ACACA: variants seen among roughly 807,000 people sequenced by gnomAD.
ACACA encodes the protein acetyl-CoA carboxylase 1.
In ACACA, 103 loss-of-function variants were observed where a neutral mutation model predicts 296.1. The ratio of observed to expected loss-of-function variants is 0.35; its 90% CI spans 0.30 to 0.41. The LOEUF (loss-of-function observed/expected upper bound fraction) is 0.41, where lower values mean the gene tolerates loss of function less well. Ranked by LOEUF, ACACA falls within the 10% of genes least tolerant of loss-of-function variation. The probability of loss-of-function intolerance (pLI) is 1.00; values close to 1 mark genes in which losing one functional copy is unlikely to be tolerated. For synonymous variants in ACACA, 953 were observed against 1,038.6 expected, an observed-to-expected ratio of 0.92 and a Z score of 1.58; for missense variants, 1,554 against 2,989.7, an observed-to-expected ratio of 0.52 and a Z score of 11.20.
At chr17:37,203,751 C>A (rs966132381) in intron 33 of ACACA, among the ~76,000 whole-genome samples, 1 of 147,970 alleles carries the variant, frequency 6.8e-6, no homozygotes, top group African/African-American at 2.6e-5. Flanking sequence ...CTCAAAAAAA[C>A]AAAACAAAAC....
intron 24 of ACACA, among the ~76,000 whole-genome samples, chr17:37,238,973 T>C (rs1013145660): frequency 2.0e-5 from 3 of 152,106 alleles, no homozygotes; most frequent in Admixed American, 6.6e-5. Flanking sequence ...ACTATAGGCA[T>C]GTGCCATCAT....
At chr17:37,380,191 C>T (rs1418027097) in intron 1 of ACACA, among the ~76,000 whole-genome samples, 1 of 148,246 alleles carries the variant, frequency 6.7e-6, no homozygotes, top group East Asian at 2.0e-4. Context: ...AACCAAACAC[C>T]GCATATTCTC....
chr17:37,242,908 G>A (rs570876746), intron 22 of ACACA, among the ~76,000 whole-genome samples: 2 of 152,156 alleles, frequency 1.3e-5, no homozygotes, highest in African/African-American at 4.8e-5. Flanking sequence ...GGCAGCGTGT[G>A]AATGTAATCC....
At chr17:37,271,241 C>A (rs757960898) in intron 9 of ACACA, among the ~76,000 whole-genome samples, 1 of 152,166 alleles carries the variant, frequency 6.6e-6, no homozygotes, top group Non-Finnish European at 1.5e-5. Context: ...TGGGTCCGGG[C>A]ACAGTGGCTA....
At chr17:37,396,725 C>A (rs569868035) in intron 1 of ACACA, among the ~76,000 whole-genome samples, 1 of 152,212 alleles carries the variant, frequency 6.6e-6, no homozygotes, top group East Asian at 1.9e-4. Context: ...CAGAAGAAAT[C>A]TTTTTATTTT....
At position 37,284,011 on chromosome 17, in the gene ACACA, G is replaced by A. The variant is rs73282817; in HGVS notation, c.472-606C>T. On this transcript the variant is annotated intron_variant, in intron 4 of 55. Transcript: ENST00000616317. ...CAGTCATGCCTCTAAGGATAACACA[G>A]ACTAATAGACACATAATCTGTCTTT... Among the ~76,000 whole-genome samples, 934 of 152,226 alleles carry A rather than the reference G, an allele frequency of 6.1e-3. 9 individuals carry two copies. The highest frequency in any genetic ancestry group is 0.022 in the African/African-American group (898 of 41,528).
At chr17:37,355,693 T>A (rs2049107828) in intron 1 of ACACA, among the ~76,000 whole-genome samples, 1 of 149,776 alleles carries the variant, frequency 6.7e-6, no homozygotes. Flanking sequence ...CCATCTCTAC[T>A]AAAAATACAA....
At chr17:37,324,007 G>A (rs1160226803) in intron 3 of ACACA, among the ~76,000 whole-genome samples, 1 of 152,202 alleles carries the variant, frequency 6.6e-6, no homozygotes, top group Non-Finnish European at 1.5e-5. Context: ...AAGGCGGGTG[G>A]ATCACCTGAG....
intron 45 of ACACA, among the ~76,000 whole-genome samples, chr17:37,148,361 C>T (rs750383618): frequency 6.6e-6 from 1 of 152,128 alleles, no homozygotes; most frequent in Non-Finnish European, 1.5e-5. Flanking sequence ...CAGCCAAGTT[C>T]GCCACTGTTA....
Position 37,389,762 on chromosome 17 carries a change from G to A in ACACA, c.38+16500C>T, listed in dbSNP as rs140313519. ...AGTGCTAGGAGATTCGTCCCTAAGA[G>A]GACTGTGAAAAAATATTTTTTTTAA... On this transcript the variant is annotated intron_variant, in intron 1 of 55. Transcript: ENST00000616317. 2.1e-3 allele frequency among the ~76,000 whole-genome samples: 322 copies of A among 151,986 alleles called. 1 individual carries two copies. The highest frequency in any genetic ancestry group is 7.1e-3 in the African/African-American group (294 of 41,464).
intron 44 of ACACA, among the ~76,000 whole-genome samples, chr17:37,150,839 G>A (rs543028319): frequency 4.0e-3 from 613 of 151,950 alleles, no homozygotes; most frequent in South Asian, 0.014. Context: ...GGATCACGAG[G>A]TCAAGAGATT....
At chr17:37,382,652 G>T (rs1022252198) in intron 1 of ACACA, among the ~76,000 whole-genome samples, 1 of 152,146 alleles carries the variant, frequency 6.6e-6, no homozygotes, top group African/African-American at 2.4e-5. Flanking sequence ...ATGAGGTCAA[G>T]AGATCAGGAC....
At chr17:37,297,107 T>C (rs1044692362) in intron 3 of ACACA, among the ~76,000 whole-genome samples, 1 of 152,060 alleles carries the variant, frequency 6.6e-6, no homozygotes, top group South Asian at 2.1e-4. Flanking sequence ...TTTCTATATG[T>C]ATAGCCATGA....
intron 3 of ACACA, among the ~76,000 whole-genome samples, chr17:37,321,926 G>C (rs1372597351): frequency 6.8e-6 from 1 of 147,440 alleles, no homozygotes; most frequent in Non-Finnish European, 1.5e-5. Context: ...CTGGGCGACA[G>C]AGCAAGACTC....
intron 41 of ACACA, among the ~76,000 whole-genome samples, chr17:37,174,012 A>ATTTTT (rs1339330288): frequency 5.6e-4 from 7 of 12,466 alleles, no homozygotes; most frequent in East Asian, 4.6e-3. Flanking sequence ...ATATATATAT[A>ATTTTT]TATATATATT....
chr17:37,329,730 A>G (rs187525921), intron 3 of ACACA, among the ~76,000 whole-genome samples: 9 of 152,040 alleles, frequency 5.9e-5, no homozygotes, highest in African/African-American at 2.2e-4. Flanking sequence ...TCACAAGGTC[A>G]GGAGTTCAAG....
At chr17:37,336,661 CTA>C (rs1281783256) in intron 2 of ACACA, among the ~76,000 whole-genome samples, 1 of 152,144 alleles carries the variant, frequency 6.6e-6, no homozygotes, top group African/African-American at 2.4e-5. Context: ...TGTCTTCACT[CTA>C]TTAAATCTTG....
chr17:37,327,318 A>C (rs1447107809), intron 3 of ACACA, among the ~76,000 whole-genome samples: 2 of 152,206 alleles, frequency 1.3e-5, no homozygotes, highest in African/African-American at 2.4e-5. Context: ...ACTCAATTAA[A>C]ATTACCCCAA....
At chr17:37,270,887 A>T (rs1156908980) in intron 9 of ACACA, 26 bp from the exon 10 acceptor site, 5 of 1,551,218 alleles carry the variant, frequency 3.2e-6, no homozygotes, top group Non-Finnish European at 4.4e-6. Flanking sequence ...AAAAAAAAAT[A>T]GAAGAAACAG....
Sources: gnomAD v4.1 joint callset for allele counts (sites outside exome capture counted in the v4.1 genomes callset) on GRCh38, gnomAD v4.1.1 for gene constraint, MANE v1.5 for transcripts, NCBI Gene and HGNC (gene_info 2026-07-23, HGNC 2026-07-21) for gene names.